Variants in FYB1 observed in about 807,000 individuals in gnomAD.
FYB1 encodes the protein FYN-binding protein 1.
FYB1 carries 41 observed loss-of-function variants against 94.1 expected under a neutral mutation model. The observed-to-expected ratio is 0.44, with a 90% CI of 0.34 to 0.57. FYB1 has a LOEUF of 0.57. Ranked by LOEUF, FYB1 falls within the 20% of genes least tolerant of loss-of-function variation. The pLI, the probability that FYB1 is intolerant of heterozygous loss-of-function variation, is 0.02. For synonymous variants in FYB1, 367 were observed against 353.2 expected (o/e 1.04, Z -0.44); for missense variants, 1,050 against 976.8 (o/e 1.07, Z -1.00).
At chr5:39,220,242 C>G (rs556433360), upstream of FYB1, among the ~76,000 whole-genome samples, 1 of 151,486 alleles carries the variant, frequency 6.6e-6, no homozygotes, top group African/African-American at 2.4e-5. Flanking sequence ...GACCCTGTCT[C>G]TACAAAAATA....
rs57072238 is a variant in FYB1 at position 39,156,367 on chromosome 5, C to A, written c.1136-2763G>T. On this transcript the variant is annotated intron_variant, in intron 2 of 18. Coordinates refer to ENST00000512982, the MANE Select transcript of FYB1 (RefSeq NM_001465.6). ...ACCGGACTTGGAACTAGAAGGGGGT[C>A]CTCCTTGAGTTGCCAGCAGCAGTCT... Among the ~76,000 whole-genome samples the A allele has an allele frequency of 2.9e-3, 439 of 152,234 alleles. 2 individuals carry two copies. The highest frequency in any genetic ancestry group is 0.01 in the African/African-American group (431 of 41,532).
chr5:39,220,490 A>G (rs868661552), upstream of FYB1, among the ~76,000 whole-genome samples: 4 of 151,836 alleles, frequency 2.6e-5, no homozygotes, highest in Non-Finnish European at 4.4e-5. Context: ...AAAAAAGAAA[A>G]GAGAAAAAAA....
intron 2 of FYB1, among the ~76,000 whole-genome samples, chr5:39,187,495 AATG>A (rs1321943563): frequency 2.1e-4 from 32 of 152,230 alleles, no homozygotes; most frequent in Non-Finnish European, 4.7e-4. Context: ...ATTGTTACTA[AATG>A]ATGAGACATC....
chr5:39,122,545 G>T, intron 13 of FYB1, 143 bp from the exon 14 acceptor site: 1 of 561,262 alleles, frequency 1.8e-6, no homozygotes, highest in South Asian at 2.4e-5. Flanking sequence ...TCTCCTGGAA[G>T]CATTGTCTGC....
chr5:39,250,520 A>T (rs4957166), intron 1 of FYB1, among the ~76,000 whole-genome samples: 34,632 of 152,156 alleles, frequency 0.23, 6,307 homozygotes, highest in African/African-American at 0.5. Context: ...CAAAAATATC[A>T]CCATCAAAGT....
intron 9 of FYB1, among the ~76,000 whole-genome samples, chr5:39,133,939 T>C (rs191516980): frequency 6.6e-6 from 1 of 152,306 alleles, no homozygotes; most frequent in African/African-American, 2.4e-5. Flanking sequence ...TAATGAACAT[T>C]ATAAAAGTGT....
intron 17 of FYB1, 72 bp from the exon 18 acceptor site, chr5:39,108,334 T>G (rs1738718735): frequency 7.0e-6 from 9 of 1,282,768 alleles, no homozygotes; most frequent in Non-Finnish European, 9.6e-6. Context: ...TATAGAAGAA[T>G]AGAGTAACAG....
intron 1 of FYB1, among the ~76,000 whole-genome samples, chr5:39,251,264 G>A (rs1751700090): frequency 6.6e-6 from 1 of 152,108 alleles, no homozygotes; most frequent in African/African-American, 2.4e-5. Context: ...TTATGAGAAT[G>A]ATACATAGCC....
chr5:39,271,899 G>T (rs1348891083), intron 1 of FYB1, among the ~76,000 whole-genome samples: 1 of 152,176 alleles, frequency 6.6e-6, no homozygotes, highest in Non-Finnish European at 1.5e-5. Flanking sequence ...AGCGAGGTAT[G>T]GGACCCAGGC....
At chr5:39,236,769 C>T (rs181719778) in intron 1 of FYB1, among the ~76,000 whole-genome samples, 49 of 152,222 alleles carry the variant, frequency 3.2e-4, no homozygotes, top group African/African-American at 1.2e-3. Flanking sequence ...GACAAGGGGG[C>T]TGAGATAGCT....
intron 17 of FYB1, 47 bp downstream of exon 17, chr5:39,110,309 C>A (rs577316592): frequency 8.1e-7 from 1 of 1,229,164 alleles, no homozygotes; most frequent in Non-Finnish European, 1.2e-6. Flanking sequence ...AAAAGAAAGG[C>A]ACAAAATTCT....
In FYB1 at chr5:39,119,580, T is replaced by C. The variant is rs1016729948; in HGVS notation, c.2193A>G (p.Leu731=). 12 of 1,551,012 alleles carry C rather than the reference T, an allele frequency of 7.7e-6. No individual in the cohort carries two copies. Among genetic ancestry groups the C allele is most frequent in the African/African-American group, 5.5e-5 (4 of 73,240 alleles). Residue 731 remains leucine, a synonymous_variant, in exon 15 of 19, where the codon CTA becomes CTG. Transcript: ENST00000512982. ...CTTTTTCTTCTTTTTCCTGCTTTTT[T>C]AGCTTCTTAAGGTCCTTTTCTTCTG... ...AKTEEKDLKK[L]KKQEKEEKDF... is the part of the protein sequence containing the mutation.
At position 39,153,894 on chromosome 5, in the gene FYB1, C is replaced by T. The variant is rs1425221511; in HGVS notation, c.1136-290G>A. ...GCTTTCGAGATCTTCCTGCCTCAGCCTCCTGAGTAGCTGGGACTACACGCG... is the reference window on the plus strand; with the variant it reads ...GCTTTCGAGATCTTCCTGCCTCAGCTTCCTGAGTAGCTGGGACTACACGCG... On this transcript the variant is annotated intron_variant, in intron 2 of 18. Transcript: ENST00000512982. 2.6e-5 allele frequency among the ~76,000 whole-genome samples: 4 copies of T among 152,102 alleles called. No individual in the cohort carries two copies. In the East Asian group the frequency reaches 5.8e-4, roughly 22 times the overall value.
intron 16 of FYB1, among the ~76,000 whole-genome samples, chr5:39,114,642 A>G (rs1739363389): frequency 6.6e-6 from 1 of 152,212 alleles, no homozygotes; most frequent in Non-Finnish European, 1.5e-5. Context: ...GCAATGGCAT[A>G]TAACAAGCTA....
intron 2 of FYB1, among the ~76,000 whole-genome samples, chr5:39,159,940 T>A (rs928056090): frequency 1.1e-4 from 16 of 152,198 alleles, no homozygotes; most frequent in African/African-American, 2.2e-4. Flanking sequence ...AACAACAGTA[T>A]CCTTTTTTAA....
intron 1 of FYB1, among the ~76,000 whole-genome samples, chr5:39,251,485 T>C (rs13355573): frequency 0.32 from 48,687 of 151,934 alleles, 9,441 homozygotes; most frequent in African/African-American, 0.55. Context: ...CTCTACTCCC[T>C]GGCCAGATCC....
chr5:39,140,962 C>G (rs1033869342), intron 4 of FYB1, 133 bp downstream of exon 4: 1 of 646,208 alleles, frequency 1.5e-6, no homozygotes, highest in African/African-American at 1.9e-5. Flanking sequence ...AGGGAATAAA[C>G]AAATAAAACG....
intron 1 of FYB1, among the ~76,000 whole-genome samples, chr5:39,241,692 G>C: frequency 6.6e-6 from 1 of 152,128 alleles, no homozygotes; most frequent in Non-Finnish European, 1.5e-5. Flanking sequence ...CTGCACAACC[G>C]TAAGAGGTGC....
intron 1 of FYB1, among the ~76,000 whole-genome samples, chr5:39,272,577 C>G (rs1316240141): frequency 2.1e-5 from 3 of 144,700 alleles, no homozygotes; most frequent in African/African-American, 7.8e-5. Flanking sequence ...GAGGCTGAGG[C>G]AGGAGAATGG....
Sources: allele counts gnomAD v4.1 joint callset (sites outside exome capture counted in the v4.1 genomes callset), GRCh38; gene constraint gnomAD v4.1.1; transcripts MANE v1.5; gene names NCBI Gene and HGNC (gene_info 2026-07-23, HGNC 2026-07-21).